MMP28: variants seen among roughly 807,000 people sequenced by gnomAD.
MMP28 encodes matrix metallopeptidase 28.
Under a neutral mutation model 60.5 loss-of-function variants are expected in MMP28, and 55 were observed. The ratio of observed to expected loss-of-function variants is 0.91; its 90% CI spans 0.73 to 1.14. The LOEUF is 1.14. MMP28 is among the 50% of genes most tolerant of loss of function. The pLI is 0.00. For synonymous variants in MMP28, 318 were observed against 312.5 expected, an observed-to-expected ratio of 1.02 and a Z score of -0.18; for missense variants, 686 against 738.3, an observed-to-expected ratio of 0.93 and a Z score of 0.82.
chr17:35,770,287 C>A lies in MMP28; in HGVS notation c.630G>T (p.Leu210=), dbSNP rs2086089243. ...CGAAGTGCGCTTCGCCGCGGCGGGG[C>A]AGGAAGGCGTGCGCCAGGGCGCCCC... is the stretch of plus-strand genomic sequence containing the variant. ...GPGGALAHAF[L]PRRGEAHFDQ... The change falls in exon 5 of 8, where the codon CTG becomes CTT. Residue 210 remains leucine (L), a synonymous_variant. Transcript: ENST00000605424. 3 of 1,544,804 alleles carry A rather than the reference C, an allele frequency of 1.9e-6. No individual in the cohort carries two copies. The highest frequency in any genetic ancestry group is 2.4e-5 in the East Asian group (1 of 42,106).
chr17:35,776,890 A>G (rs2086348351), intron 3 of MMP28, among the ~76,000 whole-genome samples: 1 of 151,334 alleles, frequency 6.6e-6, no homozygotes, highest in African/African-American at 2.4e-5. Flanking sequence ...CTCCATCTCA[A>G]AAAAAAAAGA....
downstream of MMP28, among the ~76,000 whole-genome samples, chr17:35,763,037 G>C (rs1395045169): frequency 1.3e-5 from 2 of 151,826 alleles, no homozygotes; most frequent in Non-Finnish European, 2.9e-5. Flanking sequence ...CAGGAGAATG[G>C]CGTGAACCCG....
chr17:35,778,787 A>C (rs2143425325), intron 3 of MMP28, 101 bp downstream of exon 3: 2 of 1,603,116 alleles, frequency 1.2e-6, no homozygotes, highest in Non-Finnish European at 1.7e-6. Flanking sequence ...TAGGGAAGAG[A>C]GGTTACTGAC....
At chr17:35,759,832 A>G (rs1327773025) in intron 2 of MMP28, among the ~76,000 whole-genome samples, 1 of 152,186 alleles carries the variant, frequency 6.6e-6, no homozygotes, top group African/African-American at 2.4e-5. Context: ...AAGCAAGGGA[A>G]GCTGAGGCAA....
chr17:35,761,070 C>A, downstream of MMP28: 2 of 1,111,878 alleles, frequency 1.8e-6, no homozygotes, highest in Non-Finnish European at 2.5e-6. Context: ...ATCCATGTAG[C>A]TGCAAGCCCT....
intron 1 of MMP28, among the ~76,000 whole-genome samples, chr17:35,791,889 T>C (rs557771825): frequency 2.0e-5 from 3 of 152,292 alleles, no homozygotes; most frequent in African/African-American, 7.2e-5. Context: ...TACAGACTTA[T>C]GGGAACCCCC....
At chr17:35,786,697 T>TAAAAAAAAAAAAAAAAAAAAAAAA (rs1406141593) in intron 1 of MMP28, among the ~76,000 whole-genome samples, 1 of 80,122 alleles carries the variant, frequency 1.2e-5, no homozygotes, top group Admixed American at 1.2e-4. Flanking sequence ...ATCCTGTCTC[T>TAAAAAAAAAAAAAAAAAAAAAAAA]ACAAAAAAAA....
intron 1 of MMP28, among the ~76,000 whole-genome samples, chr17:35,790,207 G>C (rs2143605939): frequency 6.6e-6 from 1 of 151,922 alleles, no homozygotes; most frequent in Admixed American, 6.6e-5. Flanking sequence ...GAGATTACAG[G>C]CGTTTGCCAC....
intron 1 of MMP28, among the ~76,000 whole-genome samples, chr17:35,791,318 C>T (rs1479227007): frequency 6.6e-6 from 1 of 151,766 alleles, no homozygotes; most frequent in Admixed American, 6.6e-5. Flanking sequence ...AGGAGGATTG[C>T]TTAAGTCCAG....
At chr17:35,792,553 A>C (rs1420157604) in intron 1 of MMP28, among the ~76,000 whole-genome samples, 2 of 152,236 alleles carry the variant, frequency 1.3e-5, no homozygotes, top group Non-Finnish European at 2.9e-5. Flanking sequence ...CTGTGAACTT[A>C]ATAAATGGTT....
chr17:35,773,212 T>C lies in MMP28; in HGVS notation c.572A>G (p.Asn191Ser), dbSNP rs372323971. The change falls in exon 4 of 8, where the codon AAC (asparagine) becomes AGC (serine). Residue 191 changes from asparagine to serine, a missense_variant. Physicochemically the swap from Asn to Ser is conservative, Grantham distance 46. Coordinates refer to ENST00000605424, the MANE Select transcript of MMP28 (RefSeq NM_024302.5). ...ATCAAAGGCATTGCCCAGCCCATCG[T>C]TGTGGTCCCCTTGGAAGAAGGTGAG... ...IRLTFFQGDH[N>S]DGLGNAFDGP... 1.9e-5 allele frequency: 31 copies of C among 1,613,870 alleles called. No individual in the cohort carries two copies. Among genetic ancestry groups the C allele is most frequent in the African/African-American group, 5.3e-5 (4 of 74,948 alleles).
chr17:35,786,056 GTTTT>G (rs34123485), intron 1 of MMP28, among the ~76,000 whole-genome samples: 5 of 134,228 alleles, frequency 3.7e-5, no homozygotes, highest in Non-Finnish European at 8.1e-5. Flanking sequence ...TCACCTTCTT[GTTTT>G]TTTTTTTTTT....
chr17:35,768,196 A>G (rs2086004080), intron 6 of MMP28, 34 bp downstream of exon 6: 1 of 1,565,930 alleles, frequency 6.4e-7, no homozygotes. Flanking sequence ...ATGGAAGGAG[A>G]GAAAGAAGCA....
intron 1 of MMP28, among the ~76,000 whole-genome samples, chr17:35,789,147 T>C (rs1255793563): frequency 6.6e-6 from 1 of 152,106 alleles, no homozygotes; most frequent in East Asian, 1.9e-4. Context: ...CACAGAGCCA[T>C]GTACACAGGG....
chr17:35,785,827 G>A (rs2086631969), intron 1 of MMP28, among the ~76,000 whole-genome samples: 1 of 152,174 alleles, frequency 6.6e-6, no homozygotes, highest in Admixed American at 6.5e-5. Flanking sequence ...CTGACTAGCT[G>A]TGTAAGCTAA....
intron 1 of MMP28, among the ~76,000 whole-genome samples, chr17:35,789,168 C>G (rs1213822777): frequency 6.6e-6 from 1 of 152,180 alleles, no homozygotes; most frequent in Non-Finnish European, 1.5e-5. Flanking sequence ...TACAGGAATA[C>G]ACACAGAGAC....
chr17:35,767,403 C>T (rs187016691), intron 7 of MMP28, among the ~76,000 whole-genome samples: 47 of 152,298 alleles, frequency 3.1e-4, no homozygotes, highest in African/African-American at 1.1e-3. Context: ...TTTCCCCATT[C>T]GAGAAATGCA....
intron 1 of MMP28, among the ~76,000 whole-genome samples, chr17:35,781,509 T>G (rs978807485): frequency 1.5e-4 from 23 of 152,202 alleles, no homozygotes; most frequent in Non-Finnish European, 2.4e-4. Context: ...CCTTTGACTC[T>G]GCCTACCCTA....
intron 4 of MMP28, 145 bp from the exon 5 acceptor site, chr17:35,770,457 G>T: frequency 9.1e-7 from 1 of 1,104,486 alleles, no homozygotes; most frequent in Non-Finnish European, 1.2e-6. Flanking sequence ...CCTGAAGTGT[G>T]CAGAGGTGAA....
Sources: gnomAD v4.1 joint callset for allele counts (sites outside exome capture counted in the v4.1 genomes callset) on GRCh38, gnomAD v4.1.1 for gene constraint, MANE v1.5 for transcripts, NCBI Gene and HGNC (gene_info 2026-07-23, HGNC 2026-07-21) for gene names.